Variants in IL1RAP observed in about 807,000 individuals in gnomAD.
IL1RAP encodes interleukin-1 receptor accessory protein.
IL1RAP carries 35 observed loss-of-function variants against 60.7 expected under a neutral mutation model. The observed-to-expected ratio is 0.58, with a 90% confidence interval of 0.44 to 0.76. The LOEUF (loss-of-function observed/expected upper bound fraction) is 0.76. Ranked by LOEUF, IL1RAP falls within the 30% of genes least tolerant of loss-of-function variation. IL1RAP has a pLI of 0.00. For missense variants in IL1RAP, 572 were observed against 693.9 expected (o/e 0.82, Z 1.97); for synonymous variants, 268 against 250.9 (o/e 1.07, Z -0.64).
In IL1RAP at chr3:190,604,178, G is replaced by A; in HGVS notation, c.115G>A (p.Glu39Lys). Residue 39 changes from glutamate (E) to lysine (K), a missense_variant, in exon 4 of 12, where the codon GAA becomes AAA. Physicochemically the swap from Glu to Lys is moderately conservative, Grantham distance 56 (BLOSUM62 1). Coordinates refer to ENST00000447382, the MANE Select transcript of IL1RAP (RefSeq NM_002182.4). ...CACCATGAGGCAAATCCAAGTGTTT[G>A]AAGATGAGCCAGCTCGCATCAAGTG... ...LDTMRQIQVFEDEPARIKCPL... is the reference protein window; with the variant it reads ...LDTMRQIQVFKDEPARIKCPL... 1 of 1,614,036 alleles carries A rather than the reference G, an allele frequency of 6.2e-7. No homozygotes were observed. Among genetic ancestry groups the A allele is most frequent in the Non-Finnish European group, 8.5e-7 (1 of 1,179,968 alleles).
chr3:190,634,840 C>T (rs946186319), intron 9 of IL1RAP, among the ~76,000 whole-genome samples: 6 of 151,868 alleles, frequency 4.0e-5, no homozygotes, highest in African/African-American at 9.7e-5. Context: ...CTCAGCCTCC[C>T]GAGTAGCTGG....
intron 1 of IL1RAP, among the ~76,000 whole-genome samples, chr3:190,517,331 G>T (rs879627456): frequency 6.6e-6 from 1 of 152,150 alleles, no homozygotes; most frequent in African/African-American, 2.4e-5. Flanking sequence ...TAGTTCAAAG[G>T]CTGGGAAGAA....
chr3:190,592,596 CT>C (rs994585469), intron 3 of IL1RAP, among the ~76,000 whole-genome samples: 34 of 152,250 alleles, frequency 2.2e-4, no homozygotes, highest in African/African-American at 7.9e-4. Context: ...ACAAGGAAAA[CT>C]TTGTAGAAAG....
At position 190,615,379 on chromosome 3, in the gene IL1RAP, T is replaced by G. The variant is rs538465948; in HGVS notation, c.538-4896T>G. The G allele has an allele frequency of 7.2e-4, 732 of 1,014,120 alleles. 1 individual carries two copies. Among genetic ancestry groups the G allele is most frequent in the Admixed American group, 2.3e-3 (101 of 43,096 alleles). The allele number at this position is 1,014,120 out of a possible 1,614,324, so 62.8% of individuals were successfully genotyped here. A position where few individuals can be genotyped will look rare whatever the true frequency, so the allele number is the denominator to read the frequency against. The stretch of plus-strand genomic sequence containing the variant: ...GGTAATGCAGTCCTTTTGTTGTTGC[T>G]TTTGTTACTGATGAGATTAATTTAG... On this transcript the variant is annotated intron_variant, in intron 5 of 11. Transcript: ENST00000447382.
chr3:190,589,143 A>T (rs1728727458), intron 3 of IL1RAP, among the ~76,000 whole-genome samples: 1 of 152,138 alleles, frequency 6.6e-6, no homozygotes, highest in Non-Finnish European at 1.5e-5. Flanking sequence ...ACGGTGGATT[A>T]TAGGGGACTT....
intron 5 of IL1RAP, among the ~76,000 whole-genome samples, chr3:190,613,240 C>T (rs991515294): frequency 6.6e-6 from 1 of 152,108 alleles, no homozygotes; most frequent in Non-Finnish European, 1.5e-5. Context: ...TGACATGGTG[C>T]TATTAACCAA....
chr3:190,572,947 T>C lies in IL1RAP; in HGVS notation c.64+8594T>C, dbSNP rs1277321923. Reference sequence around the variant, plus strand: ...GGCGGGATCTCGGCTCACTGCAAGCTCCGCCTCCCGGGTTCACGCCATTCT... The same window carrying C: ...GGCGGGATCTCGGCTCACTGCAAGCCCCGCCTCCCGGGTTCACGCCATTCT... On this transcript the variant is annotated intron_variant, in intron 3 of 11. Coordinates refer to ENST00000447382, the MANE Select transcript of IL1RAP (RefSeq NM_002182.4). Among the ~76,000 whole-genome samples, 29 of 48,802 alleles carry C rather than the reference T, an allele frequency of 5.9e-4. 8 individuals are homozygous for C. The highest frequency in any genetic ancestry group is 1.2e-3 in the Non-Finnish European group (26 of 21,908). The allele number at this position is 48,802 out of a possible 152,430, so 32.0% of individuals were successfully genotyped here.
intron 1 of IL1RAP, among the ~76,000 whole-genome samples, chr3:190,538,197 C>A (rs1723630120): frequency 6.6e-6 from 1 of 152,172 alleles, no homozygotes; most frequent in Admixed American, 6.5e-5. Context: ...TTATGCCTTA[C>A]ACTGTTGCTT....
chr3:190,520,644 G>T (rs1462741204), intron 1 of IL1RAP: 1 of 152,148 alleles, frequency 6.6e-6, no homozygotes. Context: ...TCGATCTCAA[G>T]ATTTCTAAAA....
chr3:190,560,849 G>A (rs937850627), intron 2 of IL1RAP, among the ~76,000 whole-genome samples: 7 of 152,128 alleles, frequency 4.6e-5, no homozygotes, highest in East Asian at 1.9e-4. Flanking sequence ...TAACATTGTC[G>A]TCGATTACAG....
chr3:190,567,070 C>A (rs1726475301), intron 3 of IL1RAP, among the ~76,000 whole-genome samples: 1 of 152,116 alleles, frequency 6.6e-6, no homozygotes, highest in Admixed American at 6.5e-5. Flanking sequence ...TTAAGAGAAT[C>A]CTCAAATATA....
In IL1RAP at chr3:190,604,171, A is replaced by G; in HGVS notation, c.108A>G (p.Gln36=). The G allele has an allele frequency of 6.2e-7, 1 of 1,613,974 alleles. No individual in the cohort carries two copies. The highest frequency in any genetic ancestry group is 1.3e-5 in the African/African-American group (1 of 74,982). Residue 36 remains glutamine (Q), a synonymous_variant, in exon 4 of 12, where the codon CAA becomes CAG. Coordinates refer to ENST00000447382, the MANE Select transcript of IL1RAP (RefSeq NM_002182.4). ...GACTAGACACCATGAGGCAAATCCA[A>G]GTGTTTGAAGATGAGCCAGCTCGCA... The part of the protein sequence containing the change: ...DWGLDTMRQI[Q]VFEDEPARIK...
chr3:190,515,616 T>C (rs1329887660), intron 1 of IL1RAP, among the ~76,000 whole-genome samples: 3 of 152,084 alleles, frequency 2.0e-5, no homozygotes, highest in Admixed American at 6.5e-5. Flanking sequence ...ATGAATTTCC[T>C]ACTAGTTTTT....
chr3:190,566,689 G>C (rs540084944), intron 3 of IL1RAP, among the ~76,000 whole-genome samples: 1 of 152,310 alleles, frequency 6.6e-6, no homozygotes, highest in Admixed American at 6.5e-5. Context: ...CTTATGAAGA[G>C]GTGTATTGTG....
intron 3 of IL1RAP, among the ~76,000 whole-genome samples, chr3:190,565,109 T>G (rs73886477): frequency 6.6e-6 from 1 of 151,734 alleles, no homozygotes; most frequent in South Asian, 2.1e-4. Context: ...TTGATTTTAG[T>G]ATCTAAAACT....
At chr3:190,656,772 A>G in exon 12 of IL1RAP, 1 of 548,194 alleles carries the variant, frequency 1.8e-6, no homozygotes, top group Non-Finnish European at 3.1e-6. Flanking sequence ...GACCTGAAGG[A>G]CCTGAATCCA....
intron 5 of IL1RAP, among the ~76,000 whole-genome samples, chr3:190,616,855 T>C (rs144841236): frequency 1.9e-3 from 283 of 152,326 alleles, no homozygotes; most frequent in Middle Eastern, 3.4e-3. Context: ...GCACCAAGTA[T>C]TGAGCAAGTT....
intron 1 of IL1RAP, among the ~76,000 whole-genome samples, chr3:190,545,730 A>C (rs916434761): frequency 3.3e-5 from 5 of 152,234 alleles, no homozygotes; most frequent in African/African-American, 1.2e-4. Flanking sequence ...GTTCTTCTGT[A>C]AAATGGGATT....
intron 8 of IL1RAP, among the ~76,000 whole-genome samples, chr3:190,629,044 C>T (rs539978548): frequency 6.6e-6 from 1 of 152,174 alleles, no homozygotes; most frequent in African/African-American, 2.4e-5. Context: ...TAAACTGATA[C>T]AGCATCCTGG....
Sources: gnomAD v4.1 joint callset for allele counts (sites outside exome capture counted in the v4.1 genomes callset) on GRCh38, gnomAD v4.1.1 for gene constraint, MANE v1.5 for transcripts, NCBI Gene and HGNC (gene_info 2026-07-23, HGNC 2026-07-21) for gene names.